The following CNTNAP3B variants were observed in gnomAD, a reference collection of about 807,000 sequenced individuals.
CNTNAP3B encodes contactin associated protein family member 3B.
CNTNAP3B carries 25 observed loss-of-function variants against 108.9 expected under a neutral mutation model. The ratio of observed to expected loss-of-function variants is 0.23; its 90% CI spans 0.17 to 0.32. CNTNAP3B has a LOEUF of 0.32. Among genes scored for constraint, CNTNAP3B ranks in the 10% least tolerant of loss-of-function variants. The pLI is 1.00. For missense variants in CNTNAP3B, 252 were observed against 1,210.4 expected (o/e 0.21, Z 11.75); for synonymous variants, 103 against 473.4 (o/e 0.22, Z 10.16).
At chr9:42,121,120 C>T (rs1384286067) in intron 1 of CNTNAP3B, among the ~76,000 whole-genome samples, 2 of 138,698 alleles carry the variant, frequency 1.4e-5, no homozygotes, top group African/African-American at 2.9e-5. Context: ...AAGGGCAGTG[C>T]TGAATCCCTG....
intron 3 of CNTNAP3B, among the ~76,000 whole-genome samples, chr9:42,030,750 CAGAGAGAG>C (rs34457074): frequency 0.011 from 684 of 60,448 alleles, 2 homozygotes; most frequent in South Asian, 0.033. Flanking sequence ...GAAAGAGATA[CAGAGAGAG>C]AGAGAGAGAG....
At chr9:41,957,795 C>T (rs1356575503) in intron 12 of CNTNAP3B, among the ~76,000 whole-genome samples, 1 of 152,284 alleles carries the variant, frequency 6.6e-6, no homozygotes, top group Non-Finnish European at 1.5e-5. Flanking sequence ...AAATCTCGCT[C>T]TGTCACCCAG....
chr9:41,928,058 ATAATTAACGC>A (rs1823868900), intron 15 of CNTNAP3B, among the ~76,000 whole-genome samples: 1 of 152,178 alleles, frequency 6.6e-6, no homozygotes, highest in South Asian at 2.1e-4. Context: ...AAATAACAGA[ATAATTAACGC>A]TAAGGCATAT....
At chr9:42,117,462 G>A (rs1828345471) in intron 1 of CNTNAP3B, among the ~76,000 whole-genome samples, 1 of 140,530 alleles carries the variant, frequency 7.1e-6, no homozygotes. Context: ...AAATAAAGAT[G>A]TTCTTTGAAA....
At chr9:41,939,515 C>A (rs1394110074) in intron 13 of CNTNAP3B, among the ~76,000 whole-genome samples, 5 of 152,208 alleles carry the variant, frequency 3.3e-5, no homozygotes, top group Admixed American at 2.0e-4. Context: ...AAAAAAACAA[C>A]GAAAAAAAGG....
chr9:41,921,022 A>T (rs1325834643), intron 17 of CNTNAP3B, among the ~76,000 whole-genome samples: 2,254 of 149,668 alleles, frequency 0.015, 1 homozygote, highest in African/African-American at 0.055. Flanking sequence ...GACAATTCTC[A>T]ATGTTAGGAG....
chr9:41,973,188 C>G lies in CNTNAP3B; in HGVS notation c.1478-2943G>C, dbSNP rs1460833745. Among the ~76,000 whole-genome samples the G allele has an allele frequency of 2.8e-5, 4 of 144,514 alleles. 1 individual carries two copies. In the East Asian group the frequency reaches 6.2e-4, roughly 22 times the overall value. 94.8% of individuals were successfully genotyped at this position (144,514 alleles called of 152,430 possible). On this transcript the variant is annotated intron_variant, in intron 9 of 23. Transcript: ENST00000377561. Reference sequence around the variant, plus strand: ...GGTTTTGATCTCCTGACCTCGTGATCCACCTGCCTCAGCCTCCCAAAATGC... The same window carrying G: ...GGTTTTGATCTCCTGACCTCGTGATGCACCTGCCTCAGCCTCCCAAAATGC...
In CNTNAP3B at chr9:41,958,834, C is replaced by T. The variant is rs918704706; in HGVS notation, c.1876+1939G>A. On this transcript the variant is annotated intron_variant, in intron 12 of 23. Transcript: ENST00000377561. The stretch of plus-strand genomic sequence containing the variant: ...GTACTTCAAGACGGTTCCTTTTCAC[C>T]TTCCCTTTCTGGAAGCATGAGGAGA... Among the ~76,000 whole-genome samples the T allele has an allele frequency of 6.0e-5, 9 of 149,418 alleles. No individual in the cohort carries two copies. The South Asian group carries it at 1.1e-3, about 18-fold the overall frequency.
rs1296954826 is a variant in CNTNAP3B at position 42,116,913 on chromosome 9, C to G, written c.85+12097G>C. 1.5e-5 allele frequency among the ~76,000 whole-genome samples: 2 copies of G among 137,918 alleles called. 1 individual carries two copies. The highest frequency in any genetic ancestry group is 3.1e-5 in the Non-Finnish European group (2 of 64,632). 90.5% of individuals were successfully genotyped at this position (137,918 alleles called of 152,430 possible). A position where few individuals can be genotyped will look rare whatever the true frequency, so the allele number is the denominator to read the frequency against. ...AAACAGACTTTAAACCAACAAAGAT[C>G]AAAAGAGACAAAGAAGGCCATTACA... On this transcript the variant is annotated intron_variant, in intron 1 of 23. Transcript: ENST00000377561.
intron 3 of CNTNAP3B, among the ~76,000 whole-genome samples, chr9:42,030,161 G>GAAAAA (rs1166013069): frequency 1.1e-5 from 1 of 88,768 alleles, no homozygotes; most frequent in African/African-American, 5.3e-5. Context: ...AAAAGAAAAA[G>GAAAAA]AAAAAAAAAG....
At chr9:41,959,668 G>C (rs2118193315) in intron 12 of CNTNAP3B, among the ~76,000 whole-genome samples, 1 of 152,428 alleles carries the variant, frequency 6.6e-6, no homozygotes, top group Admixed American at 6.5e-5. Context: ...GCACATTGCT[G>C]TGCAGGTGGC....
chr9:41,977,898 T>C (rs1211480199), intron 9 of CNTNAP3B, among the ~76,000 whole-genome samples: 4 of 142,936 alleles, frequency 2.8e-5, no homozygotes, highest in Non-Finnish European at 4.6e-5. Context: ...CCCAAAGTGC[T>C]GGGATTACAG....
chr9:41,935,958 G>A (rs1244390686), intron 14 of CNTNAP3B, among the ~76,000 whole-genome samples: 3 of 152,272 alleles, frequency 2.0e-5, no homozygotes, highest in Middle Eastern at 3.2e-3. Flanking sequence ...GTTCATGGGA[G>A]GGTCACTCAA....
chr9:42,110,030 C>T (rs1216439269), intron 1 of CNTNAP3B, among the ~76,000 whole-genome samples: 3 of 138,004 alleles, frequency 2.2e-5, no homozygotes, highest in Non-Finnish European at 4.6e-5. Flanking sequence ...TGTGGCCCAT[C>T]TTGATTTTGG....
At chr9:42,062,055 T>TC (rs563112467) in intron 3 of CNTNAP3B, among the ~76,000 whole-genome samples, 1 of 54,052 alleles carries the variant, frequency 1.9e-5, no homozygotes. Context: ...CCTTCTTTTT[T>TC]TTTTGAGACG....
intron 3 of CNTNAP3B, among the ~76,000 whole-genome samples, chr9:42,034,321 G>C (rs1425000523): frequency 1.0e-5 from 1 of 100,258 alleles, no homozygotes; most frequent in East Asian, 3.7e-4. Context: ...CCAGGAAAGA[G>C]AAATATAAAG....
Position 41,932,316 on chromosome 9 carries a change from TA to T in CNTNAP3B, c.2238-2873del, listed in dbSNP as rs1384325964. On this transcript the variant is annotated intron_variant, in intron 14 of 23. Coordinates refer to ENST00000377561, the MANE Select transcript of CNTNAP3B (RefSeq NM_001201380.3). ...TCAAAGACTTTTTGCTTTTATTTTA[TA>T]TTTTATTAAAATTTTTATTTATTAG... Among the ~76,000 whole-genome samples, 755 of 151,912 alleles carry T rather than the reference TA, an allele frequency of 5.0e-3. 2 individuals carry two copies. Among genetic ancestry groups the T allele is most frequent in the African/African-American group, 0.017 (682 of 41,332 alleles).
chr9:42,057,749 AT>A (rs1384062067), intron 3 of CNTNAP3B, among the ~76,000 whole-genome samples: 2 of 127,840 alleles, frequency 1.6e-5, no homozygotes, highest in African/African-American at 6.4e-5. Context: ...ATTCTCAGCA[AT>A]TTTCAAGAAC....
intron 2 of CNTNAP3B, among the ~76,000 whole-genome samples, chr9:42,094,483 C>T (rs1281997774): frequency 1.6e-5 from 2 of 128,982 alleles, no homozygotes; most frequent in South Asian, 5.1e-4. Context: ...AATGAGATCC[C>T]ATCTTTACAA....
Sources: gnomAD v4.1 joint callset for allele counts (sites outside exome capture counted in the v4.1 genomes callset) on GRCh38, gnomAD v4.1.1 for gene constraint, MANE v1.5 for transcripts, NCBI Gene and HGNC (gene_info 2026-07-23, HGNC 2026-07-21) for gene names.